ZNF407: variants seen among roughly 807,000 people sequenced by gnomAD.
ZNF407 encodes zinc finger protein 407.
In ZNF407, 17 loss-of-function variants were observed where a neutral mutation model predicts 131.2. The observed-to-expected ratio is 0.13, with a 90% CI of 0.09 to 0.19. ZNF407 has a LOEUF of 0.19. Ranked by LOEUF, ZNF407 falls within the 10% of genes least tolerant of loss-of-function variation. The probability of loss-of-function intolerance (pLI) is 1.00; values close to 1 mark genes in which losing one functional copy is unlikely to be tolerated. For synonymous variants in ZNF407, 1,156 were observed against 1,062.0 expected, an observed-to-expected ratio of 1.09 and a Z score of -1.72; for missense variants, 2,681 against 2,830.6, an observed-to-expected ratio of 0.95 and a Z score of 1.20.
intron 8 of ZNF407, among the ~76,000 whole-genome samples, chr18:75,002,433 C>A (rs991471447): frequency 8.5e-5 from 13 of 152,048 alleles, no homozygotes; most frequent in African/African-American, 3.1e-4. Flanking sequence ...CGTTCCAGTT[C>A]TCATTAAATC....
At chr18:74,628,652 C>T (rs562014193) in intron 1 of ZNF407, among the ~76,000 whole-genome samples, 4 of 152,200 alleles carry the variant, frequency 2.6e-5, no homozygotes, top group South Asian at 4.1e-4. Flanking sequence ...GTGGTGTGAT[C>T]GTAGCTCAGT....
At chr18:74,691,084 G>A (rs1378111871) in intron 3 of ZNF407, among the ~76,000 whole-genome samples, 2 of 152,036 alleles carry the variant, frequency 1.3e-5, no homozygotes, top group Admixed American at 1.3e-4. Flanking sequence ...TTCGAGACCA[G>A]CGTGGCCAAC....
At chr18:74,599,083 A>G (rs1456442837) in intron 1 of ZNF407, among the ~76,000 whole-genome samples, 1 of 152,214 alleles carries the variant, frequency 6.6e-6, no homozygotes, top group Non-Finnish European at 1.5e-5. Flanking sequence ...GCCCTAACAT[A>G]TACTCATCAG....
Position 74,652,108 on chromosome 18 carries a change from T to G in ZNF407, c.4802+10986T>G, listed in dbSNP as rs549456124. Among the ~76,000 whole-genome samples, 29 of 152,238 alleles carry G rather than the reference T, an allele frequency of 1.9e-4. No homozygotes were observed. In the Middle Eastern group the frequency reaches 0.01, roughly 54 times the overall value. On this transcript the variant is annotated intron_variant, in intron 3 of 8. Transcript: ENST00000299687. ...GCAGCTTTTCCATTCAAGTACAGTA[T>G]AGTCCCCCTTTTTTCTACCCTTTTA...
At chr18:74,968,204 T>A (rs1402158843) in intron 8 of ZNF407, among the ~76,000 whole-genome samples, 1 of 152,206 alleles carries the variant, frequency 6.6e-6, no homozygotes, top group African/African-American at 2.4e-5. Context: ...AGCATATACA[T>A]GCGTGACCTA....
chr18:74,748,666 A>C (rs1968727183), intron 3 of ZNF407, among the ~76,000 whole-genome samples: 1 of 152,176 alleles, frequency 6.6e-6, no homozygotes, highest in Admixed American at 6.6e-5. Context: ...CATAATCATA[A>C]ACAGTACATT....
Position 75,027,778 on chromosome 18 carries a change from G to A in ZNF407, c.5429-35372G>A, listed in dbSNP as rs1221424655. Among the ~76,000 whole-genome samples the A allele has an allele frequency of 2.6e-5, 4 of 152,270 alleles. No individual in the cohort carries two copies. In the East Asian group the frequency reaches 7.7e-4, roughly 29 times the overall value. ...CAGCACAGGAGTACGAGAAGGAGTG[G>A]CCAGTGAGACAGAAGGAAATGAGAG... On this transcript the variant is annotated intron_variant, in intron 8 of 8. Coordinates refer to ENST00000299687, the MANE Select transcript of ZNF407 (RefSeq NM_017757.3).
chr18:74,852,046 G>A (rs1276407268), intron 4 of ZNF407, among the ~76,000 whole-genome samples: 1 of 152,060 alleles, frequency 6.6e-6, no homozygotes, highest in Non-Finnish European at 1.5e-5. Flanking sequence ...TCCACTCCAG[G>A]GACACATTGT....
At chr18:75,012,901 G>GTTTTT (rs1053394593) in intron 8 of ZNF407, among the ~76,000 whole-genome samples, 2 of 141,060 alleles carry the variant, frequency 1.4e-5, no homozygotes, top group Non-Finnish European at 3.1e-5. Context: ...GTTTTGTTTT[G>GTTTTT]TTTTTTCAAA....
chr18:74,670,565 A>G (rs72967657), intron 3 of ZNF407, among the ~76,000 whole-genome samples: 10,203 of 152,342 alleles, frequency 0.067, 494 homozygotes, highest in Non-Finnish European at 0.11. Context: ...ACTATTCCAA[A>G]AAATAATTAT....
chr18:74,904,536 C>G (rs1371793740), intron 7 of ZNF407, among the ~76,000 whole-genome samples: 1 of 152,150 alleles, frequency 6.6e-6, no homozygotes, highest in African/African-American at 2.4e-5. Context: ...CAGTGGGACT[C>G]TTCCTGAAAT....
At chr18:74,996,079 A>G (rs1196937306) in intron 8 of ZNF407, among the ~76,000 whole-genome samples, 1 of 152,236 alleles carries the variant, frequency 6.6e-6, no homozygotes, top group African/African-American at 2.4e-5. Flanking sequence ...ATACTAAACA[A>G]ATAGTGTTCA....
At chr18:74,974,791 A>G (rs1972510149) in intron 8 of ZNF407, among the ~76,000 whole-genome samples, 3 of 152,228 alleles carry the variant, frequency 2.0e-5, no homozygotes, top group Admixed American at 1.3e-4. Context: ...GGGGTAAATC[A>G]TTATGACCTT....
At chr18:75,023,216 A>G (rs138638957) in intron 8 of ZNF407, among the ~76,000 whole-genome samples, 39 of 152,202 alleles carry the variant, frequency 2.6e-4, no homozygotes, top group South Asian at 4.1e-4. Flanking sequence ...AATAGCTACT[A>G]CATACTGGGC....
chr18:74,618,634 G>A (rs973164597), intron 1 of ZNF407, among the ~76,000 whole-genome samples: 33 of 151,992 alleles, frequency 2.2e-4, no homozygotes, highest in African/African-American at 7.5e-4. Flanking sequence ...CTTCAATAAC[G>A]TTTAGAGATG....
intron 1 of ZNF407, among the ~76,000 whole-genome samples, chr18:74,611,215 C>T (rs1983045569): frequency 6.6e-6 from 1 of 152,112 alleles, no homozygotes; most frequent in African/African-American, 2.4e-5. Flanking sequence ...TTGTATGACT[C>T]TGGTATAGGA....
At chr18:74,861,390 C>T (rs1970935329) in intron 4 of ZNF407, among the ~76,000 whole-genome samples, 1 of 152,174 alleles carries the variant, frequency 6.6e-6, no homozygotes, top group African/African-American at 2.4e-5. Context: ...TGCTTATTTT[C>T]GTCTGCTAGA....
intron 3 of ZNF407, among the ~76,000 whole-genome samples, chr18:74,647,480 G>C (rs1489718896): frequency 6.6e-6 from 1 of 152,038 alleles, no homozygotes; most frequent in Admixed American, 6.6e-5. Context: ...TCAGGATTCT[G>C]TAACCTTCCT....
intron 6 of ZNF407, among the ~76,000 whole-genome samples, chr18:74,887,704 A>G (rs1026540182): frequency 6.6e-6 from 1 of 152,170 alleles, no homozygotes; most frequent in African/African-American, 2.4e-5. Flanking sequence ...GCCACTGGCT[A>G]TTGAGAACTC....
Sources: gnomAD v4.1 joint callset for allele counts (sites outside exome capture counted in the v4.1 genomes callset) on GRCh38, gnomAD v4.1.1 for gene constraint, MANE v1.5 for transcripts, NCBI Gene and HGNC (gene_info 2026-07-23, HGNC 2026-07-21) for gene names.